Variants in SLC9B2 observed in about 807,000 individuals in gnomAD.
SLC9B2 encodes the protein sodium/hydrogen exchanger 9B2.
A neutral mutation model predicts 52.2 loss-of-function variants in SLC9B2; 39 were observed. The ratio of observed to expected loss-of-function variants is 0.75; its 90% CI spans 0.58 to 0.98. SLC9B2 has a LOEUF of 0.98. Ranked by LOEUF, SLC9B2 falls within the 50% of genes least tolerant of loss-of-function variation. The pLI is 0.00. For synonymous variants in SLC9B2, 214 were observed against 227.0 expected (o/e 0.94, Z 0.51); for missense variants, 626 against 637.5 (o/e 0.98, Z 0.19).
chr4:103,075,082 TC>T (rs1271450164), intron 1 of SLC9B2, among the ~76,000 whole-genome samples: 3 of 152,170 alleles, frequency 2.0e-5, no homozygotes, highest in Non-Finnish European at 1.5e-5. Context: ...TCCTAAGCAA[TC>T]ACAATGAAAT....
downstream of SLC9B2, chr4:103,019,779 C>T: frequency 1.0e-6 from 1 of 985,598 alleles, no homozygotes; most frequent in Non-Finnish European, 1.2e-6. Flanking sequence ...CTTGGCTGTC[C>T]GCGCCGGCAG....
chr4:103,071,260 G>C (rs1382486628), intron 1 of SLC9B2, among the ~76,000 whole-genome samples: 4 of 151,966 alleles, frequency 2.6e-5, no homozygotes, highest in Non-Finnish European at 5.9e-5. Flanking sequence ...CTGGAGTGCA[G>C]TGGCATGATC....
intron 3 of SLC9B2, chr4:103,065,596 CTCT>C (rs1231676871): frequency 3.3e-5 from 5 of 152,070 alleles, no homozygotes; most frequent in South Asian, 2.1e-4. Flanking sequence ...ATTTTCAAAT[CTCT>C]TCTTTTTTCT....
intron 10 of SLC9B2, among the ~76,000 whole-genome samples, chr4:103,029,115 T>C (rs1340735297): frequency 6.6e-6 from 1 of 152,192 alleles, no homozygotes; most frequent in East Asian, 1.9e-4. Context: ...TAAGCATATT[T>C]GAATTCTTAT....
intron 2 of SLC9B2, 33 bp downstream of exon 2, chr4:103,067,428 A>G (rs1445524952): frequency 1.9e-6 from 3 of 1,574,828 alleles, no homozygotes; most frequent in Non-Finnish European, 2.6e-6. Context: ...TAGAATATGA[A>G]GAAAACACAA....
At chr4:103,070,526 C>T (rs1246562380) in intron 1 of SLC9B2, among the ~76,000 whole-genome samples, 4 of 152,186 alleles carry the variant, frequency 2.6e-5, no homozygotes, top group African/African-American at 7.2e-5. Flanking sequence ...CTGCAACCTC[C>T]GCCGCCTGGG....
Position 103,048,923 on chromosome 4 carries a change from C to T in SLC9B2, c.683G>A (p.Gly228Asp). 1 of 1,613,840 alleles carries T rather than the reference C, an allele frequency of 6.2e-7. No homozygotes were observed. Among genetic ancestry groups the T allele is most frequent in the Non-Finnish European group, 8.5e-7 (1 of 1,179,840 alleles). Residue 228 changes from glycine (G) to aspartate (D), a missense_variant, in exon 6 of 12, where the codon GGT becomes GAT. Gly to Asp is a moderately conservative substitution (Grantham distance 94). Transcript: ENST00000394785. ...TSALLAHYLL[G>D]LPWQWGFILG... ...TATAAATCCCCATTGCCATGGTAAA[C>T]CCAGCAGGTAATGGGCAAGAAGAGC...
chr4:103,037,318 T>A (rs1172158498), intron 9 of SLC9B2, among the ~76,000 whole-genome samples: 1 of 152,246 alleles, frequency 6.6e-6, no homozygotes. Context: ...CGTTAGGAAC[T>A]TAGCTCTTGT....
intron 1 of SLC9B2, among the ~76,000 whole-genome samples, chr4:103,071,181 G>GAC (rs1746588126): frequency 6.6e-6 from 1 of 150,688 alleles, no homozygotes; most frequent in African/African-American, 2.4e-5. Context: ...TATGTAATTT[G>GAC]ATATATATAT....
At position 103,057,879 on chromosome 4, in the gene SLC9B2, A is replaced by C. The variant is rs1275074939; in HGVS notation, c.364T>G (p.Phe122Val). 10 of 1,613,990 alleles carry C rather than the reference A, an allele frequency of 6.2e-6. No individual in the cohort carries two copies. Among genetic ancestry groups the C allele is most frequent in the Non-Finnish European group, 8.5e-6 (10 of 1,179,976 alleles). ...TTACCACCAATGATGGCACAATAGA[A>C]TAGGATTATAATTCCAAATAGGTTT... ...GGNLFGIIIL[F>V]YCAIIGGKLL... is the part of the protein sequence containing the mutation. Residue 122 changes from phenylalanine to valine, a missense_variant, in exon 4 of 12, where the codon TTC (phenylalanine) becomes GTC (valine). Physicochemically the swap from Phe to Val is conservative, Grantham distance 50 (BLOSUM62 -1). Transcript: ENST00000394785.
At chr4:103,037,144 T>C (rs762978921) in intron 9 of SLC9B2, among the ~76,000 whole-genome samples, 2 of 152,206 alleles carry the variant, frequency 1.3e-5, no homozygotes, top group Non-Finnish European at 2.9e-5. Flanking sequence ...GATGGCATCC[T>C]GTGTAGGGTT....
chr4:103,040,114 A>G, intron 9 of SLC9B2, among the ~76,000 whole-genome samples: 1 of 152,182 alleles, frequency 6.6e-6, no homozygotes, highest in East Asian at 1.9e-4. Context: ...TCTCACTAAC[A>G]AAGAGCTCTT....
At chr4:103,063,431 C>A (rs368643513) in intron 3 of SLC9B2, among the ~76,000 whole-genome samples, 3 of 152,214 alleles carry the variant, frequency 2.0e-5, no homozygotes, top group African/African-American at 7.2e-5. Context: ...TTTCAGAGCC[C>A]ACAAAGTATA....
At chr4:103,070,221 C>G (rs545564969) in intron 1 of SLC9B2, among the ~76,000 whole-genome samples, 1 of 152,110 alleles carries the variant, frequency 6.6e-6, no homozygotes, top group African/African-American at 2.4e-5. Context: ...CTTCAGGAAC[C>G]TACTTAAATT....
At chr4:103,074,626 T>G (rs531782267) in intron 1 of SLC9B2, among the ~76,000 whole-genome samples, 1 of 152,344 alleles carries the variant, frequency 6.6e-6, no homozygotes, top group East Asian at 1.9e-4. Context: ...ATTCTTTTAG[T>G]CAACAGAAAT....
At chr4:103,062,430 A>AG (rs1419507537) in intron 3 of SLC9B2, among the ~76,000 whole-genome samples, 2 of 151,190 alleles carry the variant, frequency 1.3e-5, no homozygotes, top group African/African-American at 4.8e-5. Context: ...AAAAAAAAAA[A>AG]AGAGAGATTT....
intron 3 of SLC9B2, among the ~76,000 whole-genome samples, chr4:103,059,037 A>G (rs1248009590): frequency 6.6e-6 from 1 of 152,184 alleles, no homozygotes; most frequent in Non-Finnish European, 1.5e-5. Context: ...ACTGCACTCC[A>G]GCCTGTGTTA....
chr4:103,055,621 G>A (rs528542177), intron 4 of SLC9B2, among the ~76,000 whole-genome samples: 2 of 151,382 alleles, frequency 1.3e-5, no homozygotes, highest in African/African-American at 4.8e-5. Flanking sequence ...GAATGTTAGC[G>A]AATCCTGATT....
intron 3 of SLC9B2, chr4:103,065,848 T>C (rs984573184): frequency 1.1e-4 from 16 of 152,368 alleles, no homozygotes; most frequent in African/African-American, 3.9e-4. Context: ...CCCCCAAATG[T>C]CTTATGTAAC....
Sources: gnomAD v4.1 joint callset for allele counts (sites outside exome capture counted in the v4.1 genomes callset) on GRCh38, gnomAD v4.1.1 for gene constraint, MANE v1.5 for transcripts, NCBI Gene and HGNC (gene_info 2026-07-23, HGNC 2026-07-21) for gene names.